Variants in CYP2C19 observed in about 807,000 individuals in gnomAD.
CYP2C19 encodes the protein cytochrome P450 2C19.
CYP2C19 carries 59 observed loss-of-function variants against 40.9 expected under a neutral mutation model. That is an observed-to-expected ratio of 1.44 (90% CI 1.17 to 1.79). CYP2C19 has a LOEUF of 1.79. CYP2C19 is among the 40% of genes most tolerant of loss of function. CYP2C19 has a pLI of 0.00. For missense variants in CYP2C19, 754 were observed against 596.9 expected (o/e 1.26, Z -2.74); for synonymous variants, 253 against 208.7 (o/e 1.21, Z -1.83).
At chr10:94,784,925 G>A (rs1370996701) in intron 5 of CYP2C19, among the ~76,000 whole-genome samples, 2 of 151,968 alleles carry the variant, frequency 1.3e-5, no homozygotes, top group Non-Finnish European at 2.9e-5. Context: ...AATGACCAGT[G>A]ATTTTGAACT....
At position 94,854,660 on chromosome 10, in the gene CYP2C19, G is replaced by A. The variant is rs1849705479; in HGVS notation, c.*1746G>A. ...ATCTATGCATGTGTGTGTACATTAT[G>A]TGCATTCACACATAATATATATATG... On this transcript the variant is annotated 3_prime_UTR_variant, in exon 9 of 9. Coordinates refer to ENST00000371321, the MANE Select transcript of CYP2C19 (RefSeq NM_000769.4). Among the ~76,000 whole-genome samples, 1 of 151,980 alleles carries A rather than the reference G, an allele frequency of 6.6e-6. No homozygotes were observed. Among genetic ancestry groups the A allele is most frequent in the Non-Finnish European group, 1.5e-5 (1 of 68,004 alleles).
Position 94,810,159 on chromosome 10 carries a change from C to T in CYP2C19, c.820-10337C>T, listed in dbSNP as rs1321984544. Among the ~76,000 whole-genome samples the T allele has an allele frequency of 6.6e-5, 10 of 152,164 alleles. No homozygotes were observed. The East Asian group carries it at 7.7e-4, about 12-fold the overall frequency. On this transcript the variant is annotated intron_variant, in intron 5 of 8. Coordinates refer to ENST00000371321, the MANE Select transcript of CYP2C19 (RefSeq NM_000769.4). ...CCTCCCAAAGTGCTGGAATTATAGG[C>T]GTGAGCCACGTCGCCCGGCCTACAT...
intron 5 of CYP2C19, among the ~76,000 whole-genome samples, chr10:94,814,072 C>G (rs1266751269): frequency 2.0e-5 from 3 of 151,224 alleles, no homozygotes; most frequent in East Asian, 1.9e-4. Context: ...CAAGGTGAGA[C>G]AACATTCCTC....
chr10:94,782,251 G>T (rs1848489111), intron 5 of CYP2C19, among the ~76,000 whole-genome samples: 1 of 152,052 alleles, frequency 6.6e-6, no homozygotes, highest in Admixed American at 6.5e-5. Context: ...TGTCAGGATA[G>T]GAAAAGCTCT....
At chr10:94,804,233 G>A (rs1368746846) in intron 5 of CYP2C19, among the ~76,000 whole-genome samples, 1 of 152,138 alleles carries the variant, frequency 6.6e-6, no homozygotes, top group African/African-American at 2.4e-5. Context: ...GCTAGTCCTG[G>A]CTGTAAATGT....
chr10:94,777,571 A>G lies in CYP2C19; in HGVS notation c.481+2032A>G, dbSNP rs188661041. Among the ~76,000 whole-genome samples the G allele has an allele frequency of 3.5e-4, 53 of 152,324 alleles. 2 individuals are homozygous for G. The East Asian group carries it at 9.6e-3, about 28-fold the overall frequency. ...TGGGAAAAAGATTCCCTATTTAATAAATGGTGTTGGACAAACTGTCTAGCC... is the reference window on the plus strand; with the variant it reads ...TGGGAAAAAGATTCCCTATTTAATAGATGGTGTTGGACAAACTGTCTAGCC... On this transcript the variant is annotated intron_variant, in intron 3 of 8. Transcript: ENST00000371321.
chr10:94,801,417 T>C (rs890639688), intron 5 of CYP2C19, among the ~76,000 whole-genome samples: 1 of 152,230 alleles, frequency 6.6e-6, no homozygotes, highest in African/African-American at 2.4e-5. Context: ...GTGAGTCTCT[T>C]AATCCTGAGT....
intron 1 of CYP2C19, among the ~76,000 whole-genome samples, chr10:94,765,216 C>T (rs904293607): frequency 6.6e-6 from 1 of 151,994 alleles, no homozygotes; most frequent in Non-Finnish European, 1.5e-5. Flanking sequence ...CATTCCTAAC[C>T]CTATAAGTAG....
chr10:94,805,190 T>A (rs570450344), intron 5 of CYP2C19, among the ~76,000 whole-genome samples: 2 of 152,244 alleles, frequency 1.3e-5, no homozygotes, highest in South Asian at 2.1e-4. Flanking sequence ...TGCCTTAGCT[T>A]TGCAGTTTTC....
chr10:94,783,603 G>C (rs1157624490), intron 5 of CYP2C19, among the ~76,000 whole-genome samples: 1 of 152,050 alleles, frequency 6.6e-6, no homozygotes, highest in Admixed American at 6.6e-5. Flanking sequence ...CTATAAATGT[G>C]TGAAGGGTTT....
intron 6 of CYP2C19, among the ~76,000 whole-genome samples, chr10:94,837,637 T>C (rs756200657): frequency 2.6e-5 from 4 of 152,126 alleles, no homozygotes; most frequent in Non-Finnish European, 4.4e-5. Flanking sequence ...TAGGACCCCT[T>C]GGATAGTGAC....
intron 3 of CYP2C19, among the ~76,000 whole-genome samples, chr10:94,778,910 A>G (rs1280988860): frequency 6.6e-6 from 1 of 152,222 alleles, no homozygotes; most frequent in African/African-American, 2.4e-5. Flanking sequence ...TGGCACATAT[A>G]CACTGTGGAC....
At chr10:94,828,885 C>G (rs1038542240) in intron 6 of CYP2C19, among the ~76,000 whole-genome samples, 2 of 151,926 alleles carry the variant, frequency 1.3e-5, no homozygotes, top group Non-Finnish European at 2.9e-5. Context: ...TCAGCATTTG[C>G]TTGTCTGTAA....
chr10:94,820,615 G>A lies in CYP2C19; in HGVS notation c.939G>A (p.Leu313=), dbSNP rs759853843. 6.2e-7 allele frequency: 1 copy of A among 1,614,166 alleles called. No individual in the cohort carries two copies. Among genetic ancestry groups the A allele is most frequent in the African/African-American group, 1.3e-5 (1 of 75,048 alleles). ...STTLRYALLL[L]LKHPEVTAKV... ...CCCTGAGATATGCTCTCCTTCTCCT[G>A]CTGAAGCACCCAGAGGTCACAGGTA... The change falls in exon 6 of 9, where the codon CTG becomes CTA. Residue 313 remains leucine (L), a synonymous_variant. Coordinates refer to ENST00000371321, the MANE Select transcript of CYP2C19 (RefSeq NM_000769.4).
chr10:94,849,174 C>A (rs1277602170), intron 7 of CYP2C19, among the ~76,000 whole-genome samples: 1 of 151,932 alleles, frequency 6.6e-6, no homozygotes, highest in African/African-American at 2.4e-5. Context: ...ATAGTCTACA[C>A]ATAAGATTTG....
intron 5 of CYP2C19, among the ~76,000 whole-genome samples, chr10:94,801,612 T>C (rs1327348850): frequency 6.6e-6 from 1 of 152,204 alleles, no homozygotes; most frequent in Non-Finnish European, 1.5e-5. Context: ...TAGGTCCACT[T>C]AGTCCAGAGC....
chr10:94,778,878 G>C (rs1000457050), intron 3 of CYP2C19, among the ~76,000 whole-genome samples: 3 of 152,104 alleles, frequency 2.0e-5, no homozygotes, highest in Non-Finnish European at 4.4e-5. Flanking sequence ...GCCCATCAAT[G>C]ACACACTGGA....
At chr10:94,842,711 C>A in intron 6 of CYP2C19, 126 bp from the exon 7 acceptor site, 1 of 1,073,830 alleles carries the variant, frequency 9.3e-7, no homozygotes, top group Non-Finnish European at 1.4e-6. Context: ...CACATACTTC[C>A]AGCACTATAA....
chr10:94,775,256 G>T, intron 2 of CYP2C19, 36 bp downstream of exon 2: 3 of 1,613,728 alleles, frequency 1.9e-6, no homozygotes, highest in Non-Finnish European at 2.5e-6. Context: ...CATCTGTCTT[G>T]GGGATGGGGA....
Sources: allele counts gnomAD v4.1 joint callset (sites outside exome capture counted in the v4.1 genomes callset), GRCh38; gene constraint gnomAD v4.1.1; transcripts MANE v1.5; gene names NCBI Gene and HGNC (gene_info 2026-07-23, HGNC 2026-07-21).